Variants in MTUS1 observed in about 807,000 individuals in gnomAD.
MTUS1 encodes the protein microtubule-associated tumor suppressor 1.
Under a neutral mutation model 120.8 loss-of-function variants are expected in MTUS1, and 109 were observed. The observed-to-expected ratio is 0.90, with a 90% CI of 0.77 to 1.06. MTUS1 has a LOEUF of 1.06. Among genes scored for constraint, MTUS1 ranks in the 50% least tolerant of loss-of-function variants. The probability of loss-of-function intolerance (pLI) is 0.00; values close to 1 mark genes in which losing one functional copy is unlikely to be tolerated. For synonymous variants in MTUS1, 737 were observed against 550.5 expected (o/e 1.34, Z -4.74); for missense variants, 2,210 against 1,486.3 (o/e 1.49, Z -8.01).
chr8:17,784,294 TG>T (rs1234115972), intron 1 of MTUS1, among the ~76,000 whole-genome samples: 3 of 86,360 alleles, frequency 3.5e-5, no homozygotes. Flanking sequence ...TTCTTACAAC[TG>T]TTTTTTTTTT....
intron 6 of MTUS1, among the ~76,000 whole-genome samples, chr8:17,690,593 T>C (rs1431997998): frequency 6.6e-6 from 1 of 152,058 alleles, no homozygotes; most frequent in Non-Finnish European, 1.5e-5. Context: ...AAAATTAAAA[T>C]AGCCAATTAA....
rs75705424 is a variant in MTUS1 at position 17,740,438 on chromosome 8, T to G, written c.2287+3166A>C. On this transcript the variant is annotated intron_variant, in intron 3 of 14. Coordinates refer to ENST00000693296, the MANE Select transcript of MTUS1 (RefSeq NM_001363059.2). ...TGAGTCAGTATGGTGGATATCCATTTGGTTTCAATTTGCTAATACACACAG... is the reference window on the plus strand; with the variant it reads ...TGAGTCAGTATGGTGGATATCCATTGGGTTTCAATTTGCTAATACACACAG... Among the ~76,000 whole-genome samples, 46 of 152,350 alleles carry G rather than the reference T, an allele frequency of 3.0e-4. No individual in the cohort carries two copies. The East Asian group carries it at 7.5e-3, about 25-fold the overall frequency.
intron 8 of MTUS1, among the ~76,000 whole-genome samples, chr8:17,663,035 G>A (rs549046212): frequency 6.6e-6 from 1 of 152,010 alleles, no homozygotes; most frequent in Non-Finnish European, 1.5e-5. Flanking sequence ...CTCCCTGACA[G>A]TTTAAATCAT....
At chr8:17,800,348 T>C (rs2052582005) in intron 1 of MTUS1, among the ~76,000 whole-genome samples, 1 of 152,142 alleles carries the variant, frequency 6.6e-6, no homozygotes, top group African/African-American at 2.4e-5. Context: ...TTGGTTTCAT[T>C]GAAACAAACA....
At chr8:17,763,269 C>T (rs933608441) in intron 1 of MTUS1, among the ~76,000 whole-genome samples, 3 of 152,158 alleles carry the variant, frequency 2.0e-5, no homozygotes, top group Non-Finnish European at 2.9e-5. Context: ...GGATTACAGG[C>T]GTGAGCCACC....
intron 13 of MTUS1, 71 bp from the exon 14 acceptor site, chr8:17,647,150 C>A: frequency 8.6e-7 from 1 of 1,167,768 alleles, no homozygotes; most frequent in South Asian, 1.3e-5. Flanking sequence ...TAAGGCACCT[C>A]ACGACACAAG....
chr8:17,772,567 A>T (rs1225005581), intron 1 of MTUS1, among the ~76,000 whole-genome samples: 1 of 152,202 alleles, frequency 6.6e-6, no homozygotes, highest in African/African-American at 2.4e-5. Context: ...ACAATCACTG[A>T]TGTCAATTAA....
intron 8 of MTUS1, chr8:17,674,433 A>C (rs1812653198): frequency 2.0e-6 from 2 of 980,124 alleles, no homozygotes; most frequent in African/African-American, 3.5e-5. Context: ...AAAAAAGAAA[A>C]AGAAACAGAA....
intron 6 of MTUS1, among the ~76,000 whole-genome samples, chr8:17,700,584 G>C (rs185005554): frequency 1.3e-5 from 2 of 151,790 alleles, no homozygotes; most frequent in Non-Finnish European, 2.9e-5. Context: ...AAACAAAAAC[G>C]ATTAAGTATA....
intron 9 of MTUS1, chr8:17,654,952 G>A (rs1414990483): frequency 2.8e-6 from 1 of 357,086 alleles, no homozygotes; most frequent in East Asian, 4.7e-5. Context: ...AATGCATGAA[G>A]AGCAACGCAA....
At chr8:17,700,033 A>G (rs1488393162) in intron 6 of MTUS1, among the ~76,000 whole-genome samples, 1 of 152,208 alleles carries the variant, frequency 6.6e-6, no homozygotes, top group Non-Finnish European at 1.5e-5. Context: ...AGAAGTACCT[A>G]AAAAAAGCAT....
At chr8:17,672,973 A>G (rs73668814) in intron 8 of MTUS1, among the ~76,000 whole-genome samples, 1 of 152,216 alleles carries the variant, frequency 6.6e-6, no homozygotes, top group Admixed American at 6.5e-5. Context: ...GAATGGGCAC[A>G]GTGTTCCATT....
intron 1 of MTUS1, among the ~76,000 whole-genome samples, chr8:17,799,464 T>C (rs558617032): frequency 6.6e-6 from 1 of 152,278 alleles, no homozygotes; most frequent in East Asian, 1.9e-4. Flanking sequence ...ACTGTGATTA[T>C]CTTTGCTGAA....
In MTUS1 at chr8:17,755,366, A is replaced by G. The variant is rs3739407; in HGVS notation, c.442T>C (p.Cys148Arg). The stretch of plus-strand genomic sequence containing the variant: ...TCCAAGGCATCACAGTAGCCTGCAC[A>G]GTTCAAATTGTCATTAGGCTTCCAC... Reference protein sequence around the residue: ...FVWKPNDNLNCAGYCDALELN... With the variant: ...FVWKPNDNLNRAGYCDALELN... Residue 148 changes from cysteine (C) to arginine (R), a missense_variant, in exon 2 of 15, where the codon TGT (cysteine) becomes CGT (arginine). By Grantham distance (180) the Cys-to-Arg change is radical. Coordinates refer to ENST00000693296, the MANE Select transcript of MTUS1 (RefSeq NM_001363059.2). The G allele has an allele frequency of 0.79, 1,267,508 of 1,613,950 alleles. 500,640 individuals are homozygous for G. Among genetic ancestry groups the G allele is most frequent in the Non-Finnish European group, 0.8 (947,653 of 1,179,972 alleles).
chr8:17,779,445 T>C (rs187800111), intron 1 of MTUS1, among the ~76,000 whole-genome samples: 2 of 152,364 alleles, frequency 1.3e-5, no homozygotes, highest in Admixed American at 1.3e-4. Flanking sequence ...TGCCTATGGG[T>C]AAACTAAAAC....
At chr8:17,721,143 T>C (rs2979774) in intron 4 of MTUS1, among the ~76,000 whole-genome samples, 110,997 of 152,044 alleles carry the variant, frequency 0.73, 41,205 homozygotes, top group Middle Eastern at 0.81. Context: ...AACCAATATT[T>C]GTTAAAGGGA....
At chr8:17,688,428 C>G (rs574883165) in intron 6 of MTUS1, among the ~76,000 whole-genome samples, 1 of 152,340 alleles carries the variant, frequency 6.6e-6, no homozygotes, top group Non-Finnish European at 1.5e-5. Context: ...AGGTGACAGT[C>G]ACTGACTGGA....
chr8:17,742,263 C>G (rs1434639471), intron 3 of MTUS1, among the ~76,000 whole-genome samples: 1 of 146,288 alleles, frequency 6.8e-6, no homozygotes, highest in South Asian at 2.2e-4. Context: ...GCTCTCATGC[C>G]CAGCTGTTTT....
intron 6 of MTUS1, chr8:17,704,131 C>T (rs7387900): frequency 0.94 from 143,802 of 152,284 alleles, 67,943 homozygotes; most frequent in East Asian, 1. Context: ...TTGGGGGCGA[C>T]AGACCATGGG....
Sources: allele counts gnomAD v4.1 joint callset (sites outside exome capture counted in the v4.1 genomes callset), GRCh38; gene constraint gnomAD v4.1.1; transcripts MANE v1.5; gene names NCBI Gene and HGNC (gene_info 2026-07-23, HGNC 2026-07-21).